Variants in GARNL3 observed in about 807,000 individuals in gnomAD.
GARNL3 encodes GTPase activating Rap/RanGAP domain like 3.
GARNL3 carries 63 observed loss-of-function variants against 125.0 expected under a neutral mutation model. The ratio of observed to expected loss-of-function variants is 0.50; its 90% CI spans 0.41 to 0.62. The LOEUF (loss-of-function observed/expected upper bound fraction) is 0.62. Among genes scored for constraint, GARNL3 ranks in the 20% least tolerant of loss-of-function variants. The pLI, the probability that GARNL3 is intolerant of heterozygous loss-of-function variation, is 0.00. For synonymous variants in GARNL3, 439 were observed against 457.5 expected, an observed-to-expected ratio of 0.96 and a Z score of 0.52; for missense variants, 994 against 1,244.0, an observed-to-expected ratio of 0.80 and a Z score of 3.02.
intron 2 of GARNL3, among the ~76,000 whole-genome samples, chr9:127,257,145 A>T (rs923071072): frequency 5.3e-5 from 8 of 152,294 alleles, no homozygotes; most frequent in African/African-American, 1.4e-4. Context: ...TGTGGTGTGG[A>T]TGTACCACAG....
At chr9:127,279,071 G>C (rs577551676) in intron 1 of GARNL3, among the ~76,000 whole-genome samples, 20 of 152,156 alleles carry the variant, frequency 1.3e-4, no homozygotes, top group Middle Eastern at 3.4e-3. Context: ...CCTGAATTTG[G>C]GGGGGGACAC....
chr9:127,225,372 C>T (rs2062888259), intron 1 of GARNL3: 3 of 984,144 alleles, frequency 3.0e-6, no homozygotes, highest in Non-Finnish European at 3.6e-6. Context: ...GGCGGCGCTG[C>T]GGCGCAGGGG....
chr9:127,335,123 T>G (rs1829478434), intron 9 of GARNL3, 107 bp from the exon 10 acceptor site: 1 of 764,272 alleles, frequency 1.3e-6, no homozygotes, highest in African/African-American at 1.7e-5. Flanking sequence ...AATCCAAATA[T>G]CTTGGAGAAT....
intron 14 of GARNL3, among the ~76,000 whole-genome samples, chr9:127,342,892 C>CTTT (rs59554997): frequency 2.5e-5 from 2 of 81,600 alleles, no homozygotes; most frequent in African/African-American, 8.1e-5. Context: ...GTGCTCTTTT[C>CTTT]TTTTTTTTTT....
intron 22 of GARNL3, among the ~76,000 whole-genome samples, chr9:127,371,862 C>T (rs928565854): frequency 7.9e-5 from 12 of 152,210 alleles, no homozygotes; most frequent in South Asian, 2.1e-4. Context: ...GACAAAGGTG[C>T]GAAGGCAGTT....
intron 1 of GARNL3, among the ~76,000 whole-genome samples, chr9:127,240,927 A>T (rs1178765317): frequency 6.6e-6 from 1 of 152,244 alleles, no homozygotes. Flanking sequence ...TTTTTTAATT[A>T]AAATCATTCT....
At chr9:127,335,599 A>G (rs561866252) in intron 10 of GARNL3, among the ~76,000 whole-genome samples, 63 of 152,214 alleles carry the variant, frequency 4.1e-4, no homozygotes, top group Middle Eastern at 3.4e-3. Flanking sequence ...AGGTATTTGT[A>G]TGTGTGTGAG....
chr9:127,272,930 T>C (rs1263235331), intron 1 of GARNL3, among the ~76,000 whole-genome samples: 1 of 152,234 alleles, frequency 6.6e-6, no homozygotes, highest in African/African-American at 2.4e-5. Flanking sequence ...ATTTTGAGAC[T>C]TTAATAATTA....
chr9:127,390,828 G>GGTAAAGAGAGGGA, intron 27 of GARNL3, 61 bp downstream of exon 27: 1 of 1,542,910 alleles, frequency 6.5e-7, no homozygotes, highest in Non-Finnish European at 8.8e-7. Context: ...GCACTGCCCA[G>GGTAAAGAGAGGGA]GAGGCCCCTT....
intron 27 of GARNL3, among the ~76,000 whole-genome samples, chr9:127,391,161 T>C (rs941928303): frequency 6.6e-6 from 1 of 151,886 alleles, no homozygotes; most frequent in Non-Finnish European, 1.5e-5. Context: ...GGCACATCCC[T>C]GTGGTCCCAG....
intron 1 of GARNL3, among the ~76,000 whole-genome samples, chr9:127,271,047 A>G (rs757711131): frequency 8.0e-5 from 12 of 150,368 alleles, no homozygotes; most frequent in East Asian, 1.9e-4. Context: ...CCCCTCAGCA[A>G]TGCTTGTGGA....
intron 12 of GARNL3, 78 bp downstream of exon 12, chr9:127,338,239 T>G (rs1829661523): frequency 9.0e-7 from 1 of 1,110,940 alleles, no homozygotes; most frequent in Non-Finnish European, 1.4e-6. Flanking sequence ...ACAAGACTCT[T>G]GATATACATA....
chr9:127,253,039 G>A (rs1040410201), intron 2 of GARNL3, among the ~76,000 whole-genome samples: 1 of 152,196 alleles, frequency 6.6e-6, no homozygotes, highest in African/African-American at 2.4e-5. Flanking sequence ...AGATGAACCT[G>A]AGGCAACATT....
chr9:127,273,717 G>A (rs984059189), intron 1 of GARNL3, among the ~76,000 whole-genome samples: 6 of 152,044 alleles, frequency 3.9e-5, no homozygotes, highest in Non-Finnish European at 7.4e-5. Flanking sequence ...TTTTATGTTC[G>A]TCATATACAG....
chr9:127,313,580 T>G (rs1322405320), intron 4 of GARNL3, 21 bp downstream of exon 4: 1 of 1,503,574 alleles, frequency 6.7e-7, no homozygotes, highest in African/African-American at 1.4e-5. Flanking sequence ...GGCTCACACT[T>G]GAAGCAAAAT....
chr9:127,331,472 GAC>G, intron 7 of GARNL3, among the ~76,000 whole-genome samples: 1 of 151,054 alleles, frequency 6.6e-6, no homozygotes, highest in Non-Finnish European at 1.5e-5. Context: ...CAGCCTGGGT[GAC>G]AGAGTAAGAC....
Position 127,336,167 on chromosome 9 carries a change from A to G in GARNL3, c.913A>G (p.Ile305Val), listed in dbSNP as rs370718628. 5 of 1,613,986 alleles carry G rather than the reference A, an allele frequency of 3.1e-6. No individual in the cohort carries two copies. The African/African-American group carries it at 4.0e-5, about 13-fold the overall frequency. Residue 305 changes from isoleucine to valine, a missense_variant, in exon 11 of 28, where the codon ATT (isoleucine) becomes GTT (valine). Physicochemically the swap from Ile to Val is conservative, Grantham distance 29 (BLOSUM62 3). Coordinates refer to ENST00000373387, the MANE Select transcript of GARNL3 (RefSeq NM_032293.5). ...CCACATTGGAAACGATATCGTCACC[A>G]TTGTGTTCCAAGAAGGAGAGGAATC... ...KRHIGNDIVT[I>V]VFQEGEESSP...
In GARNL3 at chr9:127,390,679, C is replaced by T. The variant is rs1402148812; in HGVS notation, c.2782C>T (p.Pro928Ser). 4 of 1,613,944 alleles carry T rather than the reference C, an allele frequency of 2.5e-6. No homozygotes were observed. The South Asian group carries it at 3.3e-5, about 13-fold the overall frequency. Reference sequence around the variant, plus strand: ...AGGTGGACCCAAGTCAGAAGGAGCGCCAAAGGCCAAATCAAAACCCCGGAA... The same window carrying T: ...AGGTGGACCCAAGTCAGAAGGAGCGTCAAAGGCCAAATCAAAACCCCGGAA... The part of the protein sequence containing the change: ...DEGGPKSEGA[P>S]KAKSKPRKRL... The change falls in exon 27 of 28, where the codon CCA (proline) becomes TCA (serine). Residue 928 changes from proline to serine, a missense_variant. Pro to Ser is a moderately conservative substitution (Grantham distance 74). Coordinates refer to ENST00000373387, the MANE Select transcript of GARNL3 (RefSeq NM_032293.5).
intron 4 of GARNL3, among the ~76,000 whole-genome samples, chr9:127,315,406 G>A (rs2065213803): frequency 6.6e-6 from 1 of 152,202 alleles, no homozygotes; most frequent in Non-Finnish European, 1.5e-5. Context: ...GGAGGTCGAG[G>A]TGGGAGGAGC....
Sources: gnomAD v4.1 joint callset for allele counts (sites outside exome capture counted in the v4.1 genomes callset) on GRCh38, gnomAD v4.1.1 for gene constraint, MANE v1.5 for transcripts, NCBI Gene and HGNC (gene_info 2026-07-23, HGNC 2026-07-21) for gene names.